SLCO4C1: variants seen among roughly 807,000 people sequenced by gnomAD.
The protein encoded by SLCO4C1 is organic anion transporter M1.
Under a neutral mutation model 72.1 loss-of-function variants are expected in SLCO4C1, and 58 were observed. The ratio of observed to expected loss-of-function variants is 0.80; its 90% confidence interval spans 0.65 to 1.00. SLCO4C1 has a LOEUF of 1.00. Among genes scored for constraint, SLCO4C1 ranks in the 50% least tolerant of loss-of-function variants. The pLI is 0.00. For synonymous variants in SLCO4C1, 297 were observed against 312.5 expected, an observed-to-expected ratio of 0.95 and a Z score of 0.52; for missense variants, 898 against 857.9, an observed-to-expected ratio of 1.05 and a Z score of -0.58.
Position 102,261,366 on chromosome 5 carries a change from C to T in SLCO4C1, c.1021+546G>A, listed in dbSNP as rs1251470892. Among the ~76,000 whole-genome samples, 4 of 151,788 alleles carry T rather than the reference C, an allele frequency of 2.6e-5. 1 individual carries two copies. The South Asian group carries it at 6.2e-4, about 24-fold the overall frequency. The stretch of plus-strand genomic sequence containing the variant: ...GGCAGAGGTTGCAGTGAGCGGAGAT[C>T]GTGCCACTGCACTCCAGTCTGGGCA... On this transcript the variant is annotated intron_variant, in intron 5 of 12. Transcript: ENST00000310954.
chr5:102,257,310 C>A lies in SLCO4C1; in HGVS notation c.1274G>T (p.Gly425Val). The A allele has an allele frequency of 1.9e-6, 3 of 1,577,292 alleles. No individual in the cohort carries two copies. Among genetic ancestry groups the A allele is most frequent in the Admixed American group, 2.0e-5 (1 of 51,108 alleles). ...LTSSFAATLG[G>V]AVLIPGAALG... ...AGCAGCTCCAGGAATTAAAACAGCC[C>A]CTAATAAGAAAAAAGAATGTAGATT... is the stretch of plus-strand genomic sequence containing the variant. The change falls in exon 8 of 13, where the codon GGG becomes GTG. Residue 425 changes from glycine to valine, a missense_variant and splice_region_variant. By Grantham distance (109) the Gly-to-Val change is moderately radical (BLOSUM62 -3). Coordinates refer to ENST00000310954, the MANE Select transcript of SLCO4C1 (RefSeq NM_180991.5).
chr5:102,292,499 GGAA>G (rs1309509257), intron 1 of SLCO4C1, among the ~76,000 whole-genome samples: 4 of 152,060 alleles, frequency 2.6e-5, no homozygotes, highest in Admixed American at 2.6e-4. Context: ...TTTAGTCTTA[GGAA>G]GAAGAAATTG....
At chr5:102,274,110 G>A (rs927573384) in intron 2 of SLCO4C1, among the ~76,000 whole-genome samples, 3 of 152,128 alleles carry the variant, frequency 2.0e-5, no homozygotes, top group Non-Finnish European at 4.4e-5. Flanking sequence ...ATAGGAGGAT[G>A]TAGGTAGATT....
In SLCO4C1 at chr5:102,236,107, C is replaced by G. The variant is rs565953462; in HGVS notation, c.*751G>C. On this transcript the variant is annotated 3_prime_UTR_variant, in exon 13 of 13. Transcript: ENST00000310954. The stretch of plus-strand genomic sequence containing the variant: ...TATATGCAATTGAATAATATTATCA[C>G]AGAATCATAAATGTGTTAAAAATTG... 6.6e-6 allele frequency: 1 copy of G among 152,238 alleles called. No homozygotes were observed. The highest frequency in any genetic ancestry group is 2.4e-5 in the African/African-American group (1 of 41,552). The allele number at this position is 152,238 out of a possible 1,614,324, so 9.4% of individuals were successfully genotyped here. A position where few individuals can be genotyped will look rare whatever the true frequency, so the allele number is the denominator to read the frequency against.
chr5:102,278,056 T>C (rs916388949), intron 2 of SLCO4C1, among the ~76,000 whole-genome samples: 1 of 151,988 alleles, frequency 6.6e-6, no homozygotes, highest in African/African-American at 2.4e-5. Flanking sequence ...ATATTACAAT[T>C]AAAGGATATT....
chr5:102,241,149 A>T (rs1748532797), intron 10 of SLCO4C1, among the ~76,000 whole-genome samples: 1 of 152,154 alleles, frequency 6.6e-6, no homozygotes, highest in South Asian at 2.1e-4. Flanking sequence ...ATCCACAGCT[A>T]ACATCATACT....
At chr5:102,270,517 T>C (rs575113847) in intron 3 of SLCO4C1, 107 bp downstream of exon 3, 2 of 855,492 alleles carry the variant, frequency 2.3e-6, no homozygotes, top group African/African-American at 3.5e-5. Context: ...TGGGAAAACC[T>C]ATGGCATTAC....
At chr5:102,289,998 C>G (rs1293589773) in intron 2 of SLCO4C1, among the ~76,000 whole-genome samples, 1 of 152,146 alleles carries the variant, frequency 6.6e-6, no homozygotes, top group Non-Finnish European at 1.5e-5. Context: ...TTAATATTGT[C>G]TTAGTCCATT....
intron 2 of SLCO4C1, among the ~76,000 whole-genome samples, chr5:102,287,743 AC>A (rs1431381723): frequency 6.6e-6 from 1 of 151,016 alleles, no homozygotes; most frequent in Non-Finnish European, 1.5e-5. Context: ...TTTAGTAGAG[AC>A]GGGGTTTCAC....
intron 1 of SLCO4C1, among the ~76,000 whole-genome samples, chr5:102,292,260 G>A (rs1253897699): frequency 2.6e-5 from 4 of 152,162 alleles, no homozygotes; most frequent in South Asian, 4.2e-4. Flanking sequence ...GTAAAGTCCC[G>A]TGAAGCCAGT....
chr5:102,278,395 TA>T (rs925355598), intron 2 of SLCO4C1, among the ~76,000 whole-genome samples: 8 of 152,056 alleles, frequency 5.3e-5, no homozygotes, highest in African/African-American at 1.4e-4. Context: ...ACAATTACAA[TA>T]AAAGATTTCA....
At chr5:102,271,883 T>C (rs961628374) in intron 2 of SLCO4C1, among the ~76,000 whole-genome samples, 1 of 152,092 alleles carries the variant, frequency 6.6e-6, no homozygotes, top group African/African-American at 2.4e-5. Flanking sequence ...CTATGTAATA[T>C]GTGTGTATAT....
At chr5:102,276,426 A>C (rs1447500653) in intron 2 of SLCO4C1, among the ~76,000 whole-genome samples, 1 of 152,216 alleles carries the variant, frequency 6.6e-6, no homozygotes, top group South Asian at 2.1e-4. Context: ...AAACAAGAGC[A>C]GGGCGACAAT....
At chr5:102,275,963 A>C (rs945550788) in intron 2 of SLCO4C1, among the ~76,000 whole-genome samples, 30 of 152,170 alleles carry the variant, frequency 2.0e-4, no homozygotes, top group Non-Finnish European at 4.1e-4. Context: ...GCCCTTATAC[A>C]AACAGACTTA....
At chr5:102,242,640 G>A (rs1748566830) in intron 10 of SLCO4C1, among the ~76,000 whole-genome samples, 1 of 152,110 alleles carries the variant, frequency 6.6e-6, no homozygotes, top group Non-Finnish European at 1.5e-5. Flanking sequence ...CACCAGTCCT[G>A]ACAGCGTTCA....
intron 1 of SLCO4C1, among the ~76,000 whole-genome samples, chr5:102,294,497 T>A: frequency 6.6e-6 from 1 of 152,338 alleles, no homozygotes; most frequent in South Asian, 2.1e-4. Context: ...TAAAATGTTA[T>A]ATTTTGGAAT....
At chr5:102,266,758 G>A (rs1300877386) in intron 3 of SLCO4C1, among the ~76,000 whole-genome samples, 4 of 152,184 alleles carry the variant, frequency 2.6e-5, no homozygotes, top group Admixed American at 6.5e-5. Flanking sequence ...AACGTTAGCT[G>A]TGGGTTTTCC....
intron 6 of SLCO4C1, among the ~76,000 whole-genome samples, chr5:102,259,695 G>A (rs1748900018): frequency 6.6e-6 from 1 of 152,100 alleles, no homozygotes; most frequent in African/African-American, 2.4e-5. Flanking sequence ...TTCAAAAGAA[G>A]TTACCACTAA....
chr5:102,265,352 G>A (rs867046778), intron 3 of SLCO4C1, among the ~76,000 whole-genome samples: 1 of 151,948 alleles, frequency 6.6e-6, no homozygotes, highest in Non-Finnish European at 1.5e-5. Flanking sequence ...TTTTGTTTTC[G>A]TTGCCTATGC....
Sources: gnomAD v4.1 joint callset for allele counts (sites outside exome capture counted in the v4.1 genomes callset) on GRCh38, gnomAD v4.1.1 for gene constraint, MANE v1.5 for transcripts, NCBI Gene and HGNC (gene_info 2026-07-23, HGNC 2026-07-21) for gene names.